Variants in EDIL3 observed in about 807,000 individuals in gnomAD.
The protein encoded by EDIL3 is EGF-like repeat and discoidin I-like domain-containing protein 3.
A neutral mutation model predicts 67.4 loss-of-function variants in EDIL3; 37 were observed. That is an observed-to-expected ratio of 0.55 (90% CI 0.42 to 0.72). The LOEUF (loss-of-function observed/expected upper bound fraction) is 0.72, where lower values mean the gene tolerates loss of function less well. EDIL3 is among the 30% of genes least tolerant of loss of function. The pLI is 0.00. For synonymous variants in EDIL3, 195 were observed against 196.3 expected (o/e 0.99, Z 0.05); for missense variants, 527 against 586.3 (o/e 0.90, Z 1.04).
intron 9 of EDIL3, among the ~76,000 whole-genome samples, chr5:84,010,091 T>C (rs952031315): frequency 2.0e-5 from 3 of 152,218 alleles, no homozygotes; most frequent in Non-Finnish European, 4.4e-5. Flanking sequence ...CCAACATTCG[T>C]GCCTACAACA....
At chr5:84,155,440 T>A (rs1037589135) in intron 4 of EDIL3, among the ~76,000 whole-genome samples, 2 of 152,182 alleles carry the variant, frequency 1.3e-5, no homozygotes, top group Non-Finnish European at 2.9e-5. Flanking sequence ...TCTAGAATTG[T>A]TTTTCATTCA....
At chr5:84,047,520 T>C (rs949031456) in intron 9 of EDIL3, 1 of 152,116 alleles carries the variant, frequency 6.6e-6, no homozygotes, top group Non-Finnish European at 1.5e-5. Flanking sequence ...GTATCAATAA[T>C]TGTTACATGA....
chr5:84,060,305 A>G lies in EDIL3; in HGVS notation c.1132T>C (p.Leu378=). Residue 378 remains leucine, a synonymous_variant, in exon 9 of 11, where the codon TTA becomes CTA. Coordinates refer to ENST00000296591, the MANE Select transcript of EDIL3 (RefSeq NM_005711.5). ...TSGHNDQSQW[L]QVDLLVPTKV... ...ACAGTTTTGGAAAACTTTACCTGTAACCATTGTGACTGGTCATTGTGGCCA... is the reference window on the plus strand; with the variant it reads ...ACAGTTTTGGAAAACTTTACCTGTAGCCATTGTGACTGGTCATTGTGGCCA... The G allele has an allele frequency of 6.2e-7, 1 of 1,613,320 alleles. No homozygotes were observed. The highest frequency in any genetic ancestry group is 8.5e-7 in the Non-Finnish European group (1 of 1,179,650).
chr5:84,079,694 A>G (rs564544691), intron 6 of EDIL3, among the ~76,000 whole-genome samples: 1 of 152,214 alleles, frequency 6.6e-6, no homozygotes, highest in Middle Eastern at 3.4e-3. Flanking sequence ...GTGATACCAG[A>G]AATAACTTGA....
intron 1 of EDIL3, among the ~76,000 whole-genome samples, chr5:84,311,766 C>T (rs1049022843): frequency 2.0e-5 from 3 of 152,058 alleles, no homozygotes. Context: ...TGACTCTTAA[C>T]GAGCATGCTG....
intron 6 of EDIL3, among the ~76,000 whole-genome samples, chr5:84,083,815 C>G (rs182001856): frequency 1.5e-4 from 23 of 152,224 alleles, no homozygotes. Flanking sequence ...TAACAAAGAA[C>G]TAAATGATTT....
At chr5:84,029,555 A>G (rs562884960) in intron 9 of EDIL3, among the ~76,000 whole-genome samples, 16 of 152,328 alleles carry the variant, frequency 1.1e-4, no homozygotes, top group African/African-American at 3.8e-4. Flanking sequence ...AATAGAAATA[A>G]AAGCATAAAA....
intron 1 of EDIL3, among the ~76,000 whole-genome samples, chr5:84,296,472 T>G (rs1026695882): frequency 6.6e-6 from 1 of 152,048 alleles, no homozygotes; most frequent in Non-Finnish European, 1.5e-5. Flanking sequence ...TAACTAAATC[T>G]TCCATCTAAA....
Position 84,180,452 on chromosome 5 carries a change from G to A in EDIL3, c.296C>T (p.Thr99Ile). The A allele has an allele frequency of 6.2e-7, 1 of 1,609,382 alleles. No homozygotes were observed. Among genetic ancestry groups the A allele is most frequent in the Non-Finnish European group, 8.5e-7 (1 of 1,177,782 alleles). The change falls in exon 4 of 11, where the codon ACA (threonine) becomes ATA (isoleucine). Residue 99 changes from threonine to isoleucine, a missense_variant. Thr to Ile is a moderately conservative substitution (Grantham distance 89). Around this residue, in one of 2 missense-constraint regions of EDIL3, gnomAD observed 494 missense variants for 522.5 expected, o/e 0.95. Coordinates refer to ENST00000296591, the MANE Select transcript of EDIL3 (RefSeq NM_005711.5). ...CEISEAYRGDTFIGYVCKCPR... is the reference protein window; with the variant it reads ...CEISEAYRGDIFIGYVCKCPR... ...ACATTTACAAACATAGCCTATGAAT[G>A]TATCCCCTCGGTATGCTTCACTTAT...
At chr5:84,011,868 A>ACT (rs1171320596) in intron 9 of EDIL3, among the ~76,000 whole-genome samples, 1 of 151,636 alleles carries the variant, frequency 6.6e-6, no homozygotes, top group South Asian at 2.1e-4. Flanking sequence ...CCATTTACAT[A>ACT]CTCTCTCTCT....
chr5:84,080,077 C>T (rs1174096735), intron 6 of EDIL3, among the ~76,000 whole-genome samples: 17 of 124,052 alleles, frequency 1.4e-4, no homozygotes, highest in African/African-American at 5.6e-4. Context: ...CGAGAACATC[C>T]TGGCTAACAC....
At chr5:83,989,153 CTG>C (rs1255264429) in intron 9 of EDIL3, among the ~76,000 whole-genome samples, 1 of 152,146 alleles carries the variant, frequency 6.6e-6, no homozygotes, top group East Asian at 1.9e-4. Context: ...AATGTAAACT[CTG>C]GGAACTAAGC....
chr5:84,052,074 C>T (rs919420962), intron 9 of EDIL3, among the ~76,000 whole-genome samples: 14 of 152,174 alleles, frequency 9.2e-5, no homozygotes, highest in African/African-American at 3.1e-4. Context: ...GTGGGGTTAC[C>T]CACAAAGGGA....
At chr5:84,334,086 G>C (rs1440404715) in intron 1 of EDIL3, among the ~76,000 whole-genome samples, 1 of 146,068 alleles carries the variant, frequency 6.8e-6, no homozygotes, top group African/African-American at 2.5e-5. Context: ...TTTTTTTTGA[G>C]ATGGAATTTT....
intron 3 of EDIL3, among the ~76,000 whole-genome samples, chr5:84,228,146 G>A (rs13161136): frequency 0.67 from 101,030 of 151,788 alleles, 34,385 homozygotes; most frequent in East Asian, 0.84. Flanking sequence ...GCTAGTGGCT[G>A]CCCTATTGGA....
intron 1 of EDIL3, among the ~76,000 whole-genome samples, chr5:84,332,590 T>C (rs1276561240): frequency 6.6e-6 from 1 of 152,180 alleles, no homozygotes; most frequent in Admixed American, 6.5e-5. Context: ...GGATCTTAAC[T>C]AGTAGAGACA....
chr5:84,256,148 C>CTAATCTATCATCT (rs3046886), intron 1 of EDIL3, among the ~76,000 whole-genome samples: 1 of 146,544 alleles, frequency 6.8e-6, no homozygotes, highest in Non-Finnish European at 1.5e-5. Flanking sequence ...ATCTATCTAT[C>CTAATCTATCATCT]ATCTATCTAT....
chr5:84,246,921 G>T (rs145623793), intron 2 of EDIL3, among the ~76,000 whole-genome samples: 1 of 152,118 alleles, frequency 6.6e-6, no homozygotes, highest in East Asian at 1.9e-4. Flanking sequence ...CATAATATAT[G>T]CAAAATTAGT....
intron 3 of EDIL3, among the ~76,000 whole-genome samples, chr5:84,224,522 T>C (rs1744410576): frequency 1.3e-5 from 2 of 151,474 alleles, no homozygotes; most frequent in African/African-American, 4.8e-5. Context: ...GAAACTTAAA[T>C]AAAAGCTAAA....
Sources: gnomAD v4.1 joint callset for allele counts (sites outside exome capture counted in the v4.1 genomes callset) on GRCh38, gnomAD v4.1.1 for gene constraint, gnomAD v4.1.1 regional missense constraint, MANE v1.5 for transcripts, NCBI Gene and HGNC (gene_info 2026-07-23, HGNC 2026-07-21) for gene names.